Variants in NAALADL2 observed in about 807,000 individuals in gnomAD.
NAALADL2 encodes the protein inactive N-acetylated-alpha-linked acidic dipeptidase-like protein 2.
NAALADL2 carries 76 observed loss-of-function variants against 87.2 expected under a neutral mutation model. That is an observed-to-expected ratio of 0.87 (90% confidence interval 0.72 to 1.05). The LOEUF is 1.05. NAALADL2 is among the 50% of genes least tolerant of loss of function. NAALADL2 has a pLI of 0.00. For synonymous variants in NAALADL2, 354 were observed against 331.0 expected (o/e 1.07, Z -0.75); for missense variants, 1,089 against 945.8 (o/e 1.15, Z -1.99).
chr3:175,147,018 C>CT (rs35029683), intron 2 of NAALADL2, among the ~76,000 whole-genome samples: 84 of 152,066 alleles, frequency 5.5e-4, no homozygotes, highest in African/African-American at 1.8e-3. Flanking sequence ...TGATTTTTGT[C>CT]TTTTTTTAGG....
At chr3:174,604,645 T>C (rs1477382705) in intron 2 of NAALADL2, among the ~76,000 whole-genome samples, 1 of 152,232 alleles carries the variant, frequency 6.6e-6, no homozygotes, top group East Asian at 1.9e-4. Context: ...TGTGTGTATG[T>C]GGTGTTCTCT....
chr3:174,566,457 T>G (rs1307431160), intron 2 of NAALADL2, among the ~76,000 whole-genome samples: 1 of 151,814 alleles, frequency 6.6e-6, no homozygotes, highest in African/African-American at 2.4e-5. Flanking sequence ...TTTTACCTGG[T>G]TATCTGCAGT....
intron 1 of NAALADL2, among the ~76,000 whole-genome samples, chr3:175,086,835 C>T (rs980584100): frequency 2.6e-5 from 4 of 152,110 alleles, no homozygotes; most frequent in African/African-American, 9.7e-5. Context: ...GTCCAGCTGT[C>T]ATACAGATAT....
chr3:174,667,379 G>A lies in NAALADL2; in HGVS notation c.-114-70262G>A, dbSNP rs1578479494. Among the ~76,000 whole-genome samples, 4 of 152,022 alleles carry A rather than the reference G, an allele frequency of 2.6e-5. No homozygotes were observed. In the East Asian group the frequency reaches 7.8e-4, roughly 29 times the overall value. On this transcript the variant is annotated intron_variant, in intron 2 of 3. Coordinates refer to the NAALADL2 transcript ENST00000434257. ...CACTGCTTTGATTCTGGAGCAGAAA[G>A]TGGGCACTTTTAAAGGGGTCTTATC...
At chr3:174,521,571 C>CAAAAA (rs58465181) in intron 1 of NAALADL2, among the ~76,000 whole-genome samples, 870 of 55,844 alleles carry the variant, frequency 0.016, no homozygotes, top group Middle Eastern at 0.024. Context: ...GACCCTGTCT[C>CAAAAA]AAAAAAAAAA....
At chr3:175,453,584 A>T (rs1157092026) in intron 6 of NAALADL2, among the ~76,000 whole-genome samples, 1 of 152,156 alleles carries the variant, frequency 6.6e-6, no homozygotes, top group East Asian at 1.9e-4. Context: ...TGGCATTATG[A>T]TATGATATTC....
intron 3 of NAALADL2, among the ~76,000 whole-genome samples, chr3:174,805,812 T>C (rs1719400976): frequency 6.6e-6 from 1 of 152,320 alleles, no homozygotes; most frequent in South Asian, 2.1e-4. Flanking sequence ...ATCATAAATA[T>C]AGAAGAAAAA....
chr3:175,611,347 T>C (rs917309591), intron 10 of NAALADL2, among the ~76,000 whole-genome samples: 1 of 152,076 alleles, frequency 6.6e-6, no homozygotes, highest in Non-Finnish European at 1.5e-5. Flanking sequence ...GAGAGAATTG[T>C]CATTTGTAAA....
chr3:174,620,974 A>G (rs116628492), intron 2 of NAALADL2, among the ~76,000 whole-genome samples: 2,123 of 152,214 alleles, frequency 0.014, 51 homozygotes, highest in African/African-American at 0.047. Context: ...ACTTTATTTT[A>G]CTGCTTCTAA....
intron 3 of NAALADL2, among the ~76,000 whole-genome samples, chr3:174,758,628 G>A (rs533905994): frequency 1.3e-5 from 2 of 152,272 alleles, no homozygotes; most frequent in East Asian, 3.9e-4. Context: ...GCTTGCCTTT[G>A]GAGTAGGCTT....
chr3:174,760,686 A>G (rs1712817020), intron 3 of NAALADL2, among the ~76,000 whole-genome samples: 1 of 152,280 alleles, frequency 6.6e-6, no homozygotes, highest in African/African-American at 2.4e-5. Context: ...TTCTTTGTGC[A>G]TAGGTTAAGT....
intron 3 of NAALADL2, among the ~76,000 whole-genome samples, chr3:174,795,008 T>TG (rs1717918506): frequency 7.1e-6 from 1 of 140,048 alleles, no homozygotes; most frequent in Non-Finnish European, 1.5e-5. Flanking sequence ...TTTTTTTTTT[T>TG]GAGACAGAGT....
intron 2 of NAALADL2, among the ~76,000 whole-genome samples, chr3:175,192,389 T>G (rs757061973): frequency 2.0e-5 from 3 of 152,132 alleles, no homozygotes; most frequent in African/African-American, 4.8e-5. Flanking sequence ...GAATAGTATA[T>G]GCTCTACCAT....
intron 2 of NAALADL2, among the ~76,000 whole-genome samples, chr3:175,146,757 C>A (rs942004651): frequency 1.3e-5 from 2 of 152,058 alleles, no homozygotes; most frequent in African/African-American, 4.8e-5. Context: ...AATTACTTGA[C>A]TATTTTGCCT....
intron 11 of NAALADL2, among the ~76,000 whole-genome samples, chr3:175,661,067 C>G (rs1732179511): frequency 6.6e-6 from 1 of 151,966 alleles, no homozygotes; most frequent in South Asian, 2.1e-4. Context: ...TTTGAAGAAC[C>G]CCCATACTCT....
intron 12 of NAALADL2, among the ~76,000 whole-genome samples, chr3:175,737,996 A>C (rs73881368): frequency 6.6e-6 from 1 of 151,792 alleles, no homozygotes; most frequent in Non-Finnish European, 1.5e-5. Flanking sequence ...CTTCATCTAC[A>C]TACAAATCTT....
chr3:175,270,676 A>G (rs566418479), intron 4 of NAALADL2, among the ~76,000 whole-genome samples: 1 of 152,324 alleles, frequency 6.6e-6, no homozygotes, highest in Admixed American at 6.5e-5. Flanking sequence ...ATATTTCATA[A>G]GAATCGTCTT....
At chr3:175,634,716 A>G (rs1425733158) in intron 11 of NAALADL2, among the ~76,000 whole-genome samples, 1 of 152,006 alleles carries the variant, frequency 6.6e-6, no homozygotes, top group Non-Finnish European at 1.5e-5. Context: ...TGAATAAAAT[A>G]TGAAAATATT....
intron 2 of NAALADL2, among the ~76,000 whole-genome samples, chr3:175,100,924 T>A (rs1722046361): frequency 6.6e-6 from 1 of 151,406 alleles, no homozygotes; most frequent in Admixed American, 6.6e-5. Flanking sequence ...ATGGATTCTA[T>A]CTGGGTTGAG....
Sources: gnomAD v4.1 joint callset for allele counts (sites outside exome capture counted in the v4.1 genomes callset) on GRCh38, gnomAD v4.1.1 for gene constraint, MANE v1.5 for transcripts, NCBI Gene and HGNC (gene_info 2026-07-23, HGNC 2026-07-21) for gene names.